The following ERICH1 variants were observed in gnomAD, a reference collection of about 807,000 sequenced individuals.
The protein encoded by ERICH1 is glutamate rich 1.
Under a neutral mutation model 39.6 loss-of-function variants are expected in ERICH1, and 56 were observed. The observed-to-expected ratio is 1.41, with a 90% CI of 1.14 to 1.77. ERICH1 has a LOEUF of 1.77. ERICH1 is among the 40% of genes most tolerant of loss of function. ERICH1 has a pLI of 0.00. For synonymous variants in ERICH1, 313 were observed against 223.6 expected, an observed-to-expected ratio of 1.40 and a Z score of -3.57; for missense variants, 826 against 575.4, an observed-to-expected ratio of 1.44 and a Z score of -4.45.
At chr8:690,153 G>A (rs1471394769) in intron 3 of ERICH1, among the ~76,000 whole-genome samples, 1 of 152,086 alleles carries the variant, frequency 6.6e-6, no homozygotes, top group Non-Finnish European at 1.5e-5. Flanking sequence ...GGTGGCAGAG[G>A]TCCCAGAACC....
intron 3 of ERICH1, among the ~76,000 whole-genome samples, chr8:632,609 G>C (rs1044022243): frequency 5.9e-5 from 9 of 152,140 alleles, no homozygotes; most frequent in Non-Finnish European, 1.5e-5. Flanking sequence ...AGAATAAAGT[G>C]AAAAACCCAA....
At chr8:690,670 G>A (rs1366822237) in intron 3 of ERICH1, among the ~76,000 whole-genome samples, 1 of 152,272 alleles carries the variant, frequency 6.6e-6, no homozygotes, top group Non-Finnish European at 1.5e-5. Flanking sequence ...AGTTGCTGTG[G>A]GGATGCCCCG....
chr8:651,018 A>C (rs1313302425), intron 3 of ERICH1, among the ~76,000 whole-genome samples: 1 of 152,348 alleles, frequency 6.6e-6, no homozygotes. Flanking sequence ...CGTCCACGAT[A>C]GAGCTCTAGT....
At chr8:651,812 G>A (rs1799989263) in intron 3 of ERICH1, among the ~76,000 whole-genome samples, 2 of 152,146 alleles carry the variant, frequency 1.3e-5, no homozygotes, top group South Asian at 4.1e-4. Context: ...TGACATCATT[G>A]TCAACTCTAC....
Position 668,427 on chromosome 8 carries a change from A to G in ERICH1, c.1258+171T>C, listed in dbSNP as rs1802616380. 9.3e-6 allele frequency: 6 copies of G among 644,602 alleles called. No individual in the cohort carries two copies. The South Asian group carries it at 9.6e-5, about 10-fold the overall frequency. The allele number at this position is 644,602 out of a possible 1,614,324, so 39.9% of individuals were successfully genotyped here. A position where few individuals can be genotyped will look rare whatever the true frequency, so the allele number is the denominator to read the frequency against. ...ATATTATGTGAAATATTTTTATATC[A>G]AGCAGAGATGCAGGAAGCCTGTTTC... On this transcript the variant is annotated intron_variant, in intron 5 of 5. Coordinates refer to ENST00000262109, the MANE Select transcript of ERICH1 (RefSeq NM_207332.3).
rs376556884 is a variant in ERICH1 at position 668,753 on chromosome 8, G to A, written c.1103C>T (p.Ala368Val). Residue 368 changes from alanine (A) to valine (V), a missense_variant, in exon 5 of 6, where the codon GCC becomes GTC. Transcript: ENST00000262109. ...RDAASAALADAAEELLDRLAS... is the reference protein window; with the variant it reads ...RDAASAALADVAEELLDRLAS... Reference sequence around the variant, plus strand: ...AAGGCGGTCCAGCAGCTCCTCAGCGGCATCTGCGAGGGCAGCTGAAGCTGC... The same window carrying A: ...AAGGCGGTCCAGCAGCTCCTCAGCGACATCTGCGAGGGCAGCTGAAGCTGC... 1.3e-4 allele frequency: 206 copies of A among 1,612,626 alleles called. 1 individual carries two copies. Among genetic ancestry groups the A allele is most frequent in the Non-Finnish European group, 1.6e-4 (193 of 1,179,212 alleles).
chr8:706,084 A>C (rs952226461), intron 2 of ERICH1, among the ~76,000 whole-genome samples: 4 of 152,226 alleles, frequency 2.6e-5, no homozygotes, highest in African/African-American at 9.7e-5. Flanking sequence ...TTGGGCGAGC[A>C]GCCTGGGAGC....
intron 2 of ERICH1, among the ~76,000 whole-genome samples, chr8:711,628 G>A (rs890396635): frequency 2.0e-5 from 3 of 152,010 alleles, no homozygotes; most frequent in Admixed American, 2.0e-4. Flanking sequence ...CTACCGAGTG[G>A]CTGGGACTAC....
intron 2 of ERICH1, among the ~76,000 whole-genome samples, chr8:712,427 GTTTT>G (rs1227057702): frequency 1.3e-5 from 2 of 151,994 alleles, no homozygotes; most frequent in Non-Finnish European, 2.9e-5. Context: ...ACCGTGTTTT[GTTTT>G]GTTTTGTTTT....
chr8:709,977 G>T (rs189338353), intron 2 of ERICH1, among the ~76,000 whole-genome samples: 6 of 152,128 alleles, frequency 3.9e-5, no homozygotes, highest in Non-Finnish European at 8.8e-5. Flanking sequence ...TTTTAAAAAA[G>T]ATTAAAAATG....
chr8:726,395 AAC>A (rs1444569891), intron 1 of ERICH1, among the ~76,000 whole-genome samples: 1 of 151,590 alleles, frequency 6.6e-6, no homozygotes, highest in African/African-American at 2.4e-5. Context: ...CACACAGGAA[AAC>A]ACACAGACAC....
chr8:651,534 C>A (rs1274566973), intron 3 of ERICH1, among the ~76,000 whole-genome samples: 1 of 151,990 alleles, frequency 6.6e-6, no homozygotes, highest in Non-Finnish European at 1.5e-5. Context: ...TCCCACTGCC[C>A]AAAGAAGAAC....
chr8:660,023 A>T (rs1265427730), downstream of ERICH1, among the ~76,000 whole-genome samples: 1 of 152,246 alleles, frequency 6.6e-6, no homozygotes, highest in Non-Finnish European at 1.5e-5. Context: ...GCCCCTCATC[A>T]ACTCACTGTG....
chr8:694,642 GGAGCACCAC>G (rs1809716151), intron 2 of ERICH1, among the ~76,000 whole-genome samples: 1 of 152,242 alleles, frequency 6.6e-6, no homozygotes, highest in East Asian at 1.9e-4. Flanking sequence ...CACGCAGACA[GGAGCACCAC>G]GAGGGGCCTC....
chr8:672,794 G>T (rs1205614597), intron 4 of ERICH1, among the ~76,000 whole-genome samples: 1 of 152,240 alleles, frequency 6.6e-6, no homozygotes, highest in African/African-American at 2.4e-5. Flanking sequence ...TGCATGCTGA[G>T]AAATCGTGCA....
chr8:700,314 C>A lies in ERICH1; in HGVS notation c.170-7702G>T, dbSNP rs1293632840. Among the ~76,000 whole-genome samples, 151 of 113,598 alleles carry A rather than the reference C, an allele frequency of 1.3e-3. 10 individuals are homozygous for A. Among genetic ancestry groups the A allele is most frequent in the Non-Finnish European group, 2.3e-3 (113 of 49,576 alleles). The allele number at this position is 113,598 out of a possible 152,430, so 74.5% of individuals were successfully genotyped here. ...AGGCCCGGACACGCGCACAGACCCGCACACGCGCACAGGCCCGCACACGCG... is the reference window on the plus strand; with the variant it reads ...AGGCCCGGACACGCGCACAGACCCGAACACGCGCACAGGCCCGCACACGCG... On this transcript the variant is annotated intron_variant, in intron 2 of 5. Coordinates refer to ENST00000262109, the MANE Select transcript of ERICH1 (RefSeq NM_207332.3).
intron 4 of ERICH1, among the ~76,000 whole-genome samples, chr8:672,869 C>A (rs571350297): frequency 5.8e-4 from 88 of 152,254 alleles, no homozygotes; most frequent in Non-Finnish European, 1.1e-3. Flanking sequence ...TCCTTCACCT[C>A]TCAGTCTGCT....
intron 3 of ERICH1, among the ~76,000 whole-genome samples, chr8:642,433 C>T (rs1337310654): frequency 6.9e-6 from 1 of 145,796 alleles, no homozygotes; most frequent in African/African-American, 2.6e-5. Context: ...CAAGCTCCTC[C>T]TCCTGGGTTC....
At chr8:630,323 ACT>A (rs1455772275) in intron 3 of ERICH1, among the ~76,000 whole-genome samples, 4 of 111,328 alleles carry the variant, frequency 3.6e-5, no homozygotes, top group Non-Finnish European at 5.4e-5. Context: ...GACAGAGCTG[ACT>A]CACAACCTCC....
Sources: allele counts gnomAD v4.1 joint callset (sites outside exome capture counted in the v4.1 genomes callset), GRCh38; gene constraint gnomAD v4.1.1; transcripts MANE v1.5; gene names NCBI Gene and HGNC (gene_info 2026-07-23, HGNC 2026-07-21).